The following CCDC146 variants were observed in gnomAD, a reference collection of about 807,000 sequenced individuals.
CCDC146 encodes coiled-coil domain-containing protein 146.
In CCDC146, 92 loss-of-function variants were observed where a neutral mutation model predicts 119.3. That is an observed-to-expected ratio of 0.77 (90% confidence interval 0.65 to 0.92). CCDC146 has a LOEUF of 0.92. CCDC146 is among the 40% of genes least tolerant of loss of function. CCDC146 has a pLI of 0.00. For missense variants in CCDC146, 1,000 were observed against 1,103.0 expected (o/e 0.91, Z 1.32); for synonymous variants, 372 against 371.8 (o/e 1.00, Z -0.01).
At position 77,274,568 on chromosome 7, in the gene CCDC146, A is replaced by G; in HGVS notation, c.1356A>G (p.Lys452=). The G allele has an allele frequency of 6.2e-7, 1 of 1,613,478 alleles. No individual in the cohort carries two copies. The highest frequency in any genetic ancestry group is 8.5e-7 in the Non-Finnish European group (1 of 1,179,582). ...TTTTAAAGGAGCAAGAAAACATGAA[A>G]GAGCTAGTAGTCAACCTTCTCCGCA... ...NKLLKEQENM[K]ELVVNLLRMT... Residue 452 remains lysine, a synonymous_variant, in exon 11 of 19, where the codon AAA becomes AAG. Transcript: ENST00000285871.
intron 2 of CCDC146, among the ~76,000 whole-genome samples, chr7:77,213,303 G>C (rs1792224957): frequency 6.6e-6 from 1 of 151,446 alleles, no homozygotes; most frequent in African/African-American, 2.4e-5. Flanking sequence ...ACATTTCCCA[G>C]GCTGGTCTTA....
At chr7:77,244,533 A>G (rs140881996) in intron 4 of CCDC146, among the ~76,000 whole-genome samples, 1 of 152,300 alleles carries the variant, frequency 6.6e-6, no homozygotes, top group East Asian at 1.9e-4. Context: ...TTGTTTAGAT[A>G]CACAAACACT....
intron 1 of CCDC146, among the ~76,000 whole-genome samples, chr7:77,166,847 G>A (rs558795574): frequency 6.6e-6 from 1 of 152,122 alleles, no homozygotes; most frequent in African/African-American, 2.4e-5. Flanking sequence ...TATGATTTGA[G>A]GAAAAAAATT....
chr7:77,219,592 T>A (rs1281540172), intron 2 of CCDC146, among the ~76,000 whole-genome samples: 2 of 152,202 alleles, frequency 1.3e-5, no homozygotes, highest in East Asian at 3.8e-4. Flanking sequence ...AACTAAAAGA[T>A]TCTGAGGCTC....
rs1299203050 is a variant in CCDC146 at position 77,268,553 on chromosome 7, G to A, written c.1174-5141G>A. On this transcript the variant is annotated intron_variant, in intron 9 of 18. Transcript: ENST00000285871. The stretch of plus-strand genomic sequence containing the variant: ...TGCTGATGCCCTTCACCTCTCTTCC[G>A]ACTCTATTTCATGGGTCTCATCTAT... Among the ~76,000 whole-genome samples, 7 of 152,078 alleles carry A rather than the reference G, an allele frequency of 4.6e-5. No individual in the cohort carries two copies. The East Asian group carries it at 9.6e-4, about 21-fold the overall frequency.
intron 2 of CCDC146, among the ~76,000 whole-genome samples, chr7:77,205,574 A>G (rs560325974): frequency 6.6e-6 from 1 of 152,224 alleles, no homozygotes; most frequent in African/African-American, 2.4e-5. Flanking sequence ...TCTGAGCAAC[A>G]TGGTGAAACC....
rs755840818 is a variant in CCDC146, at chr7:77,287,527, T to G, written c.2365T>G (p.Cys789Gly). The G allele has an allele frequency of 6.2e-7, 1 of 1,614,044 alleles. No individual in the cohort carries two copies. The highest frequency in any genetic ancestry group is 8.5e-7 in the Non-Finnish European group (1 of 1,179,996). The change falls in exon 17 of 19, where the codon TGC (cysteine) becomes GGC (glycine). Residue 789 changes from cysteine (C) to glycine (G), a missense_variant. Cys to Gly is a radical substitution (Grantham distance 159). Around this residue, in one of 2 missense-constraint regions of CCDC146, gnomAD observed 985 missense variants for 1,045.3 expected, o/e 0.94. Coordinates refer to ENST00000285871, the MANE Select transcript of CCDC146 (RefSeq NM_020879.3). ...GGTCTCCAGGCTCACAGACAGGCTCTGCAGCAAAACTCAGGGCTGCAAGCA... is the reference window on the plus strand; with the variant it reads ...GGTCTCCAGGCTCACAGACAGGCTCGGCAGCAAAACTCAGGGCTGCAAGCA... ...EQVSRLTDRLCSKTQGCKQDT... is the reference protein window; with the variant it reads ...EQVSRLTDRLGSKTQGCKQDT...
rs1223881432 is a variant in CCDC146 at position 77,259,000 on chromosome 7, A to C, written c.690A>C (p.Glu230Asp). 28 of 1,610,600 alleles carry C rather than the reference A, an allele frequency of 1.7e-5. No individual in the cohort carries two copies. The highest frequency in any genetic ancestry group is 2.4e-5 in the Non-Finnish European group (28 of 1,177,308). ...TGATTTCGTTTCTTTACTAGGATGAAGTGGCCCACCATCAAACCATTCCAG... is the reference window on the plus strand; with the variant it reads ...TGATTTCGTTTCTTTACTAGGATGACGTGGCCCACCATCAAACCATTCCAG... ...LLGHQVVLKD[E>D]VAHHQTIPVQ... Residue 230 changes from glutamate (E) to aspartate (D), a missense_variant, in exon 7 of 19, where the codon GAA (glutamate) becomes GAC (aspartate). Transcript: ENST00000285871.
chr7:77,130,746 G>A (rs1316359405), intron 1 of CCDC146, among the ~76,000 whole-genome samples: 1 of 146,224 alleles, frequency 6.8e-6, no homozygotes, highest in Non-Finnish European at 1.5e-5. Flanking sequence ...CTACAGGCGC[G>A]CGCCACCATG....
chr7:77,246,050 C>T (rs1266687225), intron 4 of CCDC146, among the ~76,000 whole-genome samples: 1 of 151,958 alleles, frequency 6.6e-6, no homozygotes, highest in Non-Finnish European at 1.5e-5. Context: ...AGCCCACCGC[C>T]CCCACCCAAA....
intron 1 of CCDC146, among the ~76,000 whole-genome samples, chr7:77,151,904 CA>C (rs769634573): frequency 6.6e-6 from 1 of 152,176 alleles, no homozygotes; most frequent in Non-Finnish European, 1.5e-5. Flanking sequence ...ATCCCAGTTT[CA>C]AGGACTTTTG....
intron 1 of CCDC146, among the ~76,000 whole-genome samples, chr7:77,142,668 G>C (rs892023261): frequency 4.6e-5 from 7 of 151,582 alleles, no homozygotes; most frequent in African/African-American, 1.7e-4. Context: ...TGCAGTGTTT[G>C]GTTTTTTGTT....
chr7:77,207,110 T>C (rs908230233), intron 2 of CCDC146, among the ~76,000 whole-genome samples: 3 of 152,238 alleles, frequency 2.0e-5, no homozygotes, highest in African/African-American at 7.2e-5. Context: ...ATTTATTAAA[T>C]GGAGTAAATG....
At chr7:77,231,792 T>C (rs1170166153) in intron 2 of CCDC146, among the ~76,000 whole-genome samples, 1 of 151,434 alleles carries the variant, frequency 6.6e-6, no homozygotes, top group East Asian at 1.9e-4. Flanking sequence ...GCATCCTCCC[T>C]AAGAAAGTTT....
chr7:77,262,713 AT>A (rs1415636525), intron 9 of CCDC146, among the ~76,000 whole-genome samples: 3 of 152,186 alleles, frequency 2.0e-5, no homozygotes, highest in Non-Finnish European at 4.4e-5. Context: ...ATAGACATAA[AT>A]GATCAGCAGC....
chr7:77,178,422 T>C lies in CCDC146; in HGVS notation c.156+10598T>C, dbSNP rs551956401. Among the ~76,000 whole-genome samples the C allele has an allele frequency of 5.3e-5, 8 of 152,332 alleles. No homozygotes were observed. The East Asian group carries it at 1.5e-3, about 29-fold the overall frequency. The stretch of plus-strand genomic sequence containing the variant: ...TTCTGAAAACTCTTTCCTGAGCATC[T>C]ACAATATGCCAAACCCAAGGCTAGG... On this transcript the variant is annotated intron_variant, in intron 2 of 18. Transcript: ENST00000285871.
chr7:77,292,681 A>G (rs1029335578), intron 17 of CCDC146, among the ~76,000 whole-genome samples: 3 of 151,896 alleles, frequency 2.0e-5, no homozygotes, highest in African/African-American at 7.3e-5. Context: ...AATGGGCACT[A>G]AACTGTTCTC....
intron 2 of CCDC146, among the ~76,000 whole-genome samples, chr7:77,232,495 T>C (rs977954078): frequency 2.0e-5 from 3 of 152,240 alleles, no homozygotes; most frequent in Non-Finnish European, 4.4e-5. Context: ...CCTTATGATA[T>C]CTGTTTTTCT....
intron 3 of CCDC146, among the ~76,000 whole-genome samples, chr7:77,241,195 C>T (rs1792841743): frequency 6.8e-6 from 1 of 146,888 alleles, no homozygotes; most frequent in Admixed American, 6.9e-5. Context: ...GTAGCTGGGA[C>T]TACAGGCGCC....
Sources: gnomAD v4.1 joint callset for allele counts (sites outside exome capture counted in the v4.1 genomes callset) on GRCh38, gnomAD v4.1.1 for gene constraint, gnomAD v4.1.1 regional missense constraint, MANE v1.5 for transcripts, NCBI Gene and HGNC (gene_info 2026-07-23, HGNC 2026-07-21) for gene names.